IGF2BP2: variants seen among roughly 807,000 people sequenced by gnomAD.
The protein encoded by IGF2BP2 is insulin-like growth factor 2 mRNA-binding protein 2.
IGF2BP2 carries 17 observed loss-of-function variants against 75.8 expected under a neutral mutation model. That is an observed-to-expected ratio of 0.22 (90% CI 0.15 to 0.34). IGF2BP2 has a LOEUF of 0.34. IGF2BP2 is among the 10% of genes least tolerant of loss of function. IGF2BP2 has a pLI of 1.00. For synonymous variants in IGF2BP2, 288 were observed against 295.6 expected (o/e 0.97, Z 0.26); for missense variants, 516 against 772.4 (o/e 0.67, Z 3.93).
chr3:185,803,317 C>T (rs576443509), intron 2 of IGF2BP2, among the ~76,000 whole-genome samples: 2 of 152,224 alleles, frequency 1.3e-5, no homozygotes, highest in Non-Finnish European at 2.9e-5. Flanking sequence ...TGCTACTGCA[C>T]TCCAGTCTGG....
intron 2 of IGF2BP2, among the ~76,000 whole-genome samples, chr3:185,733,636 A>T (rs1036747153): frequency 6.6e-6 from 1 of 152,108 alleles, no homozygotes; most frequent in Non-Finnish European, 1.5e-5. Context: ...CATGCCTGTA[A>T]TCCCAGCTAC....
At chr3:185,677,106 G>GAGAT (rs1719672543) in intron 7 of IGF2BP2, among the ~76,000 whole-genome samples, 2 of 128,368 alleles carry the variant, frequency 1.6e-5, no homozygotes, top group African/African-American at 5.8e-5. Context: ...GAGAGAGAGA[G>GAGAT]ATGTATATAT....
intron 10 of IGF2BP2, among the ~76,000 whole-genome samples, chr3:185,663,057 G>A (rs1275438339): frequency 6.6e-6 from 1 of 152,088 alleles, no homozygotes; most frequent in African/African-American, 2.4e-5. Context: ...TATTTATAAT[G>A]GTCAGAAAAA....
intron 2 of IGF2BP2, among the ~76,000 whole-genome samples, chr3:185,756,941 T>C (rs1560420707): frequency 6.6e-6 from 1 of 152,156 alleles, no homozygotes; most frequent in East Asian, 1.9e-4. Flanking sequence ...TGAACTCCAG[T>C]CTAGGCAACA....
chr3:185,755,804 G>C (rs1241732263), intron 2 of IGF2BP2, among the ~76,000 whole-genome samples: 1 of 152,168 alleles, frequency 6.6e-6, no homozygotes, highest in Non-Finnish European at 1.5e-5. Context: ...TACCACCATT[G>C]TACCTTGGAA....
intron 2 of IGF2BP2, among the ~76,000 whole-genome samples, chr3:185,812,090 A>G (rs1173689920): frequency 6.6e-6 from 1 of 152,224 alleles, no homozygotes; most frequent in Non-Finnish European, 1.5e-5. Context: ...GTATTAAAGT[A>G]TCATGGCTTG....
At chr3:185,692,951 G>C (rs1722147695) in intron 4 of IGF2BP2, among the ~76,000 whole-genome samples, 189 bp from the exon 5 acceptor site, 1 of 152,166 alleles carries the variant, frequency 6.6e-6, no homozygotes, top group Non-Finnish European at 1.5e-5. Context: ...TAACACGTTT[G>C]TAATCAATCG....
At chr3:185,823,275 G>C (rs1372063772) in intron 1 of IGF2BP2, 62 bp from the exon 2 acceptor site, 6 of 1,333,922 alleles carry the variant, frequency 4.5e-6, no homozygotes, top group Middle Eastern at 1.8e-4. Flanking sequence ...GGGGTCTAGG[G>C]GGGGCACGCA....
intron 2 of IGF2BP2, among the ~76,000 whole-genome samples, chr3:185,801,832 T>C (rs1366558940): frequency 6.6e-6 from 1 of 152,092 alleles, no homozygotes; most frequent in African/African-American, 2.4e-5. Context: ...GAATACTATG[T>C]AGCCATAAAA....
chr3:185,701,233 G>A (rs931768978), intron 2 of IGF2BP2, among the ~76,000 whole-genome samples: 4 of 151,616 alleles, frequency 2.6e-5, no homozygotes, highest in Non-Finnish European at 5.9e-5. Context: ...CCCACCCCTT[G>A]TTTACTTTTT....
At chr3:185,814,348 C>T (rs561968462) in intron 2 of IGF2BP2, among the ~76,000 whole-genome samples, 11 of 152,154 alleles carry the variant, frequency 7.2e-5, no homozygotes, top group Non-Finnish European at 1.6e-4. Flanking sequence ...TAAAGAAAAA[C>T]ATCCACTGAA....
chr3:185,785,799 G>C (rs1735807102), intron 2 of IGF2BP2, among the ~76,000 whole-genome samples: 2 of 152,250 alleles, frequency 1.3e-5, no homozygotes, highest in South Asian at 4.1e-4. Context: ...GGTAACAAAG[G>C]GAGACCCGCC....
rs775185886 is a variant in IGF2BP2 at position 185,649,861 on chromosome 3, T to C, written c.1462-327A>G. 8.5e-5 allele frequency among the ~76,000 whole-genome samples: 13 copies of C among 152,232 alleles called. No homozygotes were observed. The South Asian group carries it at 1.0e-3, about 12-fold the overall frequency. ...TGCAACTCTATGTCTTATTTCCATA[T>C]TATCACCTATAAAGATTTGCTTGAT... On this transcript the variant is annotated intron_variant, in intron 13 of 15. Coordinates refer to ENST00000382199, the MANE Select transcript of IGF2BP2 (RefSeq NM_006548.6).
At chr3:185,771,665 A>G (rs545990697) in intron 2 of IGF2BP2, among the ~76,000 whole-genome samples, 2 of 152,264 alleles carry the variant, frequency 1.3e-5, no homozygotes, top group Admixed American at 6.5e-5. Flanking sequence ...AACAATTTCA[A>G]TAAATTAGTG....
intron 2 of IGF2BP2, among the ~76,000 whole-genome samples, chr3:185,817,074 G>A (rs1318652849): frequency 2.0e-5 from 3 of 152,042 alleles, no homozygotes; most frequent in Admixed American, 6.6e-5. Context: ...ACATACATCA[G>A]AACTCTTAAT....
chr3:185,782,447 C>T (rs1735334279), intron 2 of IGF2BP2, among the ~76,000 whole-genome samples: 2 of 151,862 alleles, frequency 1.3e-5, no homozygotes, highest in South Asian at 4.2e-4. Flanking sequence ...AACGTTTCAC[C>T]GACTATCTCT....
At chr3:185,809,982 A>C (rs759770031) in intron 2 of IGF2BP2, among the ~76,000 whole-genome samples, 10 of 152,208 alleles carry the variant, frequency 6.6e-5, no homozygotes, top group Non-Finnish European at 1.3e-4. Context: ...TTTTTGCAGA[A>C]GCGTTAAGAT....
rs1577776449 is a variant in IGF2BP2, at chr3:185,645,773, G to C, written c.1708-150C>G. 3 of 625,212 alleles carry C rather than the reference G, an allele frequency of 4.8e-6. No individual in the cohort carries two copies. The highest frequency in any genetic ancestry group is 8.8e-6 in the Non-Finnish European group (3 of 342,802). 38.7% of individuals were successfully genotyped at this position (625,212 alleles called of 1,614,324 possible). A position where few individuals can be genotyped will look rare whatever the true frequency, so the allele number is the denominator to read the frequency against. ...CTACCCACCCCCGCACGTTACTCCA[G>C]GCCCTTTTCTGCCTGGAAGTAAGTG... On this transcript the variant is annotated intron_variant, in intron 15 of 15. Coordinates refer to ENST00000382199, the MANE Select transcript of IGF2BP2 (RefSeq NM_006548.6). The surrounding 1 kb of genome is among the most constrained non-coding windows in gnomAD (Gnocchi z 4.9).
intron 2 of IGF2BP2, among the ~76,000 whole-genome samples, chr3:185,777,042 C>T (rs1375295221): frequency 2.6e-5 from 4 of 152,104 alleles, no homozygotes; most frequent in Admixed American, 2.6e-4. Flanking sequence ...TAAAGAGTTG[C>T]TACATTAGAG....
Sources: allele counts gnomAD v4.1 joint callset (sites outside exome capture counted in the v4.1 genomes callset), GRCh38; gene constraint gnomAD v4.1.1; non-coding constraint Gnocchi (gnomAD v3.1); transcripts MANE v1.5; gene names NCBI Gene and HGNC (gene_info 2026-07-23, HGNC 2026-07-21).